The following ITPK1 variants were observed in gnomAD, a reference collection of about 807,000 sequenced individuals.
ITPK1 encodes the protein inositol-tetrakisphosphate 1-kinase, also known as inositol 1,3,4-trisphosphate 5/6-kinase.
In ITPK1, 21 loss-of-function variants were observed where a neutral mutation model predicts 45.3. The observed-to-expected ratio is 0.46, with a 90% confidence interval of 0.33 to 0.67. The LOEUF (loss-of-function observed/expected upper bound fraction) is 0.67, where lower values mean the gene tolerates loss of function less well. Ranked by LOEUF, ITPK1 falls within the 30% of genes least tolerant of loss-of-function variation. The probability of loss-of-function intolerance (pLI) is 0.02; values close to 1 mark genes in which losing one functional copy is unlikely to be tolerated. For synonymous variants in ITPK1, 258 were observed against 253.6 expected (o/e 1.02, Z -0.16); for missense variants, 474 against 573.5 (o/e 0.83, Z 1.77).
intron 9 of ITPK1, among the ~76,000 whole-genome samples, chr14:92,951,002 C>CA (rs1887930473): frequency 6.6e-6 from 1 of 152,242 alleles, no homozygotes; most frequent in Non-Finnish European, 1.5e-5. Flanking sequence ...GACAGACAGA[C>CA]AGACAGGCCA....
chr14:93,048,318 T>C lies in ITPK1; in HGVS notation c.120+28277A>G, dbSNP rs534210094. Among the ~76,000 whole-genome samples, 4 of 152,368 alleles carry C rather than the reference T, an allele frequency of 2.6e-5. No homozygotes were observed. The South Asian group carries it at 6.2e-4, about 24-fold the overall frequency. ...CCAGTCTTTACGTCAAGGGTGCATT[T>C]GGTTTTCGTATAACAAAAAACAATT... On this transcript the variant is annotated intron_variant, in intron 3 of 10. Coordinates refer to ENST00000267615, the MANE Select transcript of ITPK1 (RefSeq NM_014216.6).
intron 3 of ITPK1, among the ~76,000 whole-genome samples, chr14:93,055,879 C>T (rs1397416949): frequency 1.3e-5 from 2 of 152,218 alleles, no homozygotes; most frequent in Non-Finnish European, 2.9e-5. Context: ...CTCCACAGAC[C>T]TTCCTGAGCG....
rs1265745705 is a variant in ITPK1 at position 93,076,491 on chromosome 14, G to A, written c.120+104C>T. On this transcript the variant is annotated intron_variant, in intron 3 of 10. Transcript: ENST00000267615. This position sits in a 1 kb window ranked among gnomAD's most constrained non-coding sequence, Gnocchi z 4.3. ...CTAAAAACAAGCTGCACGTGAAGAA[G>A]AGAGAAAGCCGTGCCCAATGCTGGA... 7 of 1,314,030 alleles carry A rather than the reference G, an allele frequency of 5.3e-6. No homozygotes were observed. The highest frequency in any genetic ancestry group is 7.6e-6 in the Non-Finnish European group (7 of 918,030). 81.4% of individuals were successfully genotyped at this position (1,314,030 alleles called of 1,614,324 possible). A position where few individuals can be genotyped will look rare whatever the true frequency, so the allele number is the denominator to read the frequency against.
chr14:93,039,751 G>A (rs566861994), intron 3 of ITPK1, among the ~76,000 whole-genome samples: 30 of 152,364 alleles, frequency 2.0e-4, no homozygotes, highest in African/African-American at 7.2e-4. Flanking sequence ...AAGCTGTCAG[G>A]CTGGTATTCA....
chr14:92,950,335 G>A (rs1887899774), intron 9 of ITPK1, among the ~76,000 whole-genome samples: 1 of 152,232 alleles, frequency 6.6e-6, no homozygotes, highest in Non-Finnish European at 1.5e-5. Flanking sequence ...CAGCAAGCGT[G>A]TTTCCGCACC....
chr14:93,052,850 C>A (rs1343589648), intron 3 of ITPK1, among the ~76,000 whole-genome samples: 1 of 152,014 alleles, frequency 6.6e-6, no homozygotes, highest in Non-Finnish European at 1.5e-5. Flanking sequence ...TTGGAAAGCG[C>A]TCTGGTGGCT....
chr14:92,962,742 G>A lies in ITPK1; in HGVS notation c.463+9C>T. Reference sequence around the variant, plus strand: ...GCCTGCCCTCAGGTGGAGCTGGGATGGTACGCACTGAATGGGAAAGTCAAG... The same window carrying A: ...GCCTGCCCTCAGGTGGAGCTGGGATAGTACGCACTGAATGGGAAAGTCAAG... On this transcript the variant is annotated intron_variant, in intron 6 of 10. Transcript: ENST00000267615. 1 of 1,601,772 alleles carries A rather than the reference G, an allele frequency of 6.2e-7. No individual in the cohort carries two copies. Among genetic ancestry groups the A allele is most frequent in the Non-Finnish European group, 8.6e-7 (1 of 1,168,758 alleles).
Position 93,016,202 on chromosome 14 carries a change from C to A in ITPK1, c.246+474G>T, listed in dbSNP as rs1459799410. ...AGCCAAGGGACTCAGCAAGATACCT[C>A]AGGCCATGCTCAAAGGTGAGTACCC... is the stretch of plus-strand genomic sequence containing the variant. On this transcript the variant is annotated intron_variant, in intron 4 of 10. Transcript: ENST00000267615. This position sits in a 1 kb window ranked among gnomAD's most constrained non-coding sequence, Gnocchi z 5.0. Among the ~76,000 whole-genome samples the A allele has an allele frequency of 2.0e-5, 3 of 152,134 alleles. No individual in the cohort carries two copies. The highest frequency in any genetic ancestry group is 7.2e-5 in the African/African-American group (3 of 41,420).
At chr14:93,069,343 C>G (rs1250634005) in intron 3 of ITPK1, 1 of 153,988 alleles carries the variant, frequency 6.5e-6, no homozygotes, top group Non-Finnish European at 1.5e-5. Context: ...GCTACTCTCT[C>G]CAGCCTGGTC....
In ITPK1 at chr14:93,032,797, G is replaced by C. The variant is rs1005219961; in HGVS notation, c.121-15996C>G. On this transcript the variant is annotated intron_variant, in intron 3 of 10. Transcript: ENST00000267615. This position sits in a 1 kb window ranked among gnomAD's most constrained non-coding sequence, Gnocchi z 4.0. ...TGCTGGGACTCACGAAGGGGCCATC[G>C]CACTCTGCAGACTGCAGCGTACTCC... Among the ~76,000 whole-genome samples the C allele has an allele frequency of 2.0e-5, 3 of 152,196 alleles. No homozygotes were observed. Among genetic ancestry groups the C allele is most frequent in the African/African-American group, 7.2e-5 (3 of 41,454 alleles).
intron 3 of ITPK1, among the ~76,000 whole-genome samples, chr14:93,024,171 C>T (rs1430380215): frequency 6.6e-6 from 1 of 152,180 alleles, no homozygotes; most frequent in African/African-American, 2.4e-5. Context: ...GAGGATCCCA[C>T]ACATGAACCT....
chr14:93,025,938 G>C (rs1888710927), intron 3 of ITPK1, among the ~76,000 whole-genome samples: 1 of 152,186 alleles, frequency 6.6e-6, no homozygotes, highest in African/African-American at 2.4e-5. Flanking sequence ...GACCAGGCTG[G>C]ATGACAGAGT....
chr14:93,022,631 C>A (rs58831243), intron 3 of ITPK1, among the ~76,000 whole-genome samples: 4,452 of 151,994 alleles, frequency 0.029, 203 homozygotes, highest in African/African-American at 0.1. Context: ...TCCTGCCTAG[C>A]TTCCCAAGTA....
intron 2 of ITPK1, among the ~76,000 whole-genome samples, chr14:93,093,448 C>T (rs1891943583): frequency 2.0e-5 from 3 of 152,330 alleles, no homozygotes; most frequent in Admixed American, 6.5e-5. Flanking sequence ...CCTCTTCCCC[C>T]GCTCCCCAAC....
chr14:93,058,364 C>T (rs79066345), intron 3 of ITPK1, among the ~76,000 whole-genome samples: 4,408 of 135,442 alleles, frequency 0.033, 275 homozygotes, highest in African/African-American at 0.12. Flanking sequence ...TTGAGGTCCA[C>T]AGGGTCATAA....
In ITPK1 at chr14:92,946,395, G is replaced by A; in HGVS notation, c.837C>T (p.Gly279=). 1.2e-6 allele frequency: 2 copies of A among 1,613,410 alleles called. No individual in the cohort carries two copies. The highest frequency in any genetic ancestry group is 1.7e-6 in the Non-Finnish European group (2 of 1,180,020). The part of the protein sequence containing the change: ...LRQALGVSLF[G]IDIIINNQTG... ...TCTGGTTGTTGATGATGATGTCGAT[G>A]CCGAAGAGTGACACGCCCAGTGCCT... is the stretch of plus-strand genomic sequence containing the variant. The change falls in exon 10 of 11, where the codon GGC becomes GGT. Residue 279 remains glycine, a synonymous_variant. Coordinates refer to ENST00000267615, the MANE Select transcript of ITPK1 (RefSeq NM_014216.6).
intron 4 of ITPK1, among the ~76,000 whole-genome samples, chr14:93,001,797 G>A (rs1365749927): frequency 1.3e-5 from 2 of 152,200 alleles, no homozygotes; most frequent in Non-Finnish European, 2.9e-5. Flanking sequence ...CTCCTCCTGA[G>A]AGCACAGCCA....
At chr14:93,046,456 A>T (rs1014802898) in intron 3 of ITPK1, among the ~76,000 whole-genome samples, 1 of 152,184 alleles carries the variant, frequency 6.6e-6, no homozygotes, top group African/African-American at 2.4e-5. Flanking sequence ...TGTTCCTGTC[A>T]TAAAGGAGAT....
At chr14:92,980,674 T>C (rs1886180544) in intron 5 of ITPK1, among the ~76,000 whole-genome samples, 1 of 152,086 alleles carries the variant, frequency 6.6e-6, no homozygotes, top group Admixed American at 6.5e-5. Context: ...TCATAGTTTG[T>C]TTGTTTATTT....
Sources: gnomAD v4.1 joint callset for allele counts (sites outside exome capture counted in the v4.1 genomes callset) on GRCh38, gnomAD v4.1.1 for gene constraint, Gnocchi (gnomAD v3.1) non-coding constraint, MANE v1.5 for transcripts, NCBI Gene and HGNC (gene_info 2026-07-23, HGNC 2026-07-21) for gene names.